The following CACNA2D1 variants were observed in gnomAD, a reference collection of about 807,000 sequenced individuals.
CACNA2D1 encodes the protein voltage-dependent calcium channel subunit alpha-2/delta-1.
CACNA2D1 carries 53 observed loss-of-function variants against 171.5 expected under a neutral mutation model. That is an observed-to-expected ratio of 0.31 (90% CI 0.25 to 0.39). The LOEUF (loss-of-function observed/expected upper bound fraction) is 0.39. Among genes scored for constraint, CACNA2D1 ranks in the 10% least tolerant of loss-of-function variants. CACNA2D1 has a pLI of 1.00. For synonymous variants in CACNA2D1, 442 were observed against 443.1 expected (o/e 1.00, Z 0.03); for missense variants, 903 against 1,299.8 (o/e 0.69, Z 4.69).
chr7:82,422,502 T>C (rs1281823708), intron 1 of CACNA2D1, among the ~76,000 whole-genome samples: 1 of 152,172 alleles, frequency 6.6e-6, no homozygotes, highest in Non-Finnish European at 1.5e-5. Context: ...ATCTGGGAGA[T>C]GCAGCATCTT....
Position 81,997,259 on chromosome 7 carries a change from A to T in CACNA2D1, c.1591-9T>A, listed in dbSNP as rs1014847040. ...TCCTGAGATTTGGGGTTCTACACAG[A>T]AAACAATAATAATTAGGTACATGTA... On this transcript the variant is annotated splice_polypyrimidine_tract_variant and intron_variant, in intron 18 of 38. Coordinates refer to ENST00000356860, the MANE Select transcript of CACNA2D1 (RefSeq NM_000722.4). 2 of 1,537,398 alleles carry T rather than the reference A, an allele frequency of 1.3e-6. No homozygotes were observed. The highest frequency in any genetic ancestry group is 1.8e-6 in the Non-Finnish European group (2 of 1,110,386).
rs1181065687 is a variant in CACNA2D1 at position 82,007,846 on chromosome 7, T to A, written c.1363-90A>T. 28 of 756,906 alleles carry A rather than the reference T, an allele frequency of 3.7e-5. No individual in the cohort carries two copies. In the Middle Eastern group the frequency reaches 1.2e-3, roughly 32 times the overall value. 46.9% of individuals were successfully genotyped at this position (756,906 alleles called of 1,614,324 possible). The stretch of plus-strand genomic sequence containing the variant: ...TAACCTTTGATATCTGAGATTGCAT[T>A]TTATAGTTACTTTATAAAGAGCCAC... On this transcript the variant is annotated intron_variant, in intron 15 of 38. Transcript: ENST00000356860.
chr7:82,169,897 A>C (rs38541), intron 4 of CACNA2D1, among the ~76,000 whole-genome samples: 40,965 of 151,420 alleles, frequency 0.27, 5,628 homozygotes, highest in Admixed American at 0.3. Context: ...AGGATAGATA[A>C]ATGATAGATA....
At chr7:82,042,609 G>C (rs1804095730) in intron 10 of CACNA2D1, among the ~76,000 whole-genome samples, 1 of 152,096 alleles carries the variant, frequency 6.6e-6, no homozygotes, top group Non-Finnish European at 1.5e-5. Flanking sequence ...GTTTAGATAG[G>C]AAGGCACGTG....
At chr7:82,140,954 T>TAA (rs1324664679) in intron 4 of CACNA2D1, among the ~76,000 whole-genome samples, 25 of 91,740 alleles carry the variant, frequency 2.7e-4, no homozygotes, top group African/African-American at 7.7e-4. Context: ...GACTCGTCTC[T>TAA]AAAAAAAAAA....
At chr7:82,429,771 T>A (rs77394154) in intron 1 of CACNA2D1, among the ~76,000 whole-genome samples, 1 of 152,138 alleles carries the variant, frequency 6.6e-6, no homozygotes, top group Non-Finnish European at 1.5e-5. Context: ...TTGACACCCA[T>A]GTATCAATCC....
At chr7:82,234,646 C>T (rs906119214) in intron 3 of CACNA2D1, among the ~76,000 whole-genome samples, 2 of 152,000 alleles carry the variant, frequency 1.3e-5, no homozygotes, top group Admixed American at 1.3e-4. Flanking sequence ...ACAAGGGGGC[C>T]GTAGCTATCT....
In CACNA2D1 at chr7:82,157,364, T is replaced by C. The variant is rs116175315; in HGVS notation, c.354+13186A>G. On this transcript the variant is annotated intron_variant, in intron 4 of 38. Transcript: ENST00000356860. ...AGTTTGATGAAAATGGCTTATAATGTGATTTTATTGATATGTGGATCAAAA... is the reference window on the plus strand; with the variant it reads ...AGTTTGATGAAAATGGCTTATAATGCGATTTTATTGATATGTGGATCAAAA... Among the ~76,000 whole-genome samples, 725 of 152,262 alleles carry C rather than the reference T, an allele frequency of 4.8e-3. 5 individuals carry two copies. The highest frequency in any genetic ancestry group is 0.016 in the African/African-American group (679 of 41,584).
At chr7:82,208,245 T>C (rs1800208612) in intron 3 of CACNA2D1, among the ~76,000 whole-genome samples, 1 of 152,190 alleles carries the variant, frequency 6.6e-6, no homozygotes, top group African/African-American at 2.4e-5. Context: ...TATGTATAAA[T>C]ATATGTATGT....
chr7:82,218,541 G>A (rs1424394085), intron 3 of CACNA2D1, among the ~76,000 whole-genome samples: 1 of 152,122 alleles, frequency 6.6e-6, no homozygotes, highest in African/African-American at 2.4e-5. Context: ...AAATAGGAGT[G>A]TAGAACTTGT....
intron 3 of CACNA2D1, among the ~76,000 whole-genome samples, chr7:82,212,311 G>GAATTTTAATTTTC: frequency 6.6e-6 from 1 of 152,270 alleles, no homozygotes; most frequent in African/African-American, 2.4e-5. Context: ...TTTAGGTTAA[G>GAATTTTAATTTTC]TGTATTCCAT....
chr7:82,046,172 TTTCTC>T (rs779748359), intron 10 of CACNA2D1, among the ~76,000 whole-genome samples: 5 of 151,888 alleles, frequency 3.3e-5, no homozygotes, highest in Non-Finnish European at 5.9e-5. Flanking sequence ...CTCACACTCT[TTTCTC>T]TATCTTTAAT....
At chr7:81,955,914 G>T (rs754425575) in intron 38 of CACNA2D1, among the ~76,000 whole-genome samples, 1 of 111,032 alleles carries the variant, frequency 9.0e-6, no homozygotes, top group African/African-American at 3.5e-5. Context: ...GTGGGGGGGG[G>T]GGGGGGTGGT....
chr7:82,212,862 G>A (rs575608360), intron 3 of CACNA2D1, among the ~76,000 whole-genome samples: 1 of 151,952 alleles, frequency 6.6e-6, no homozygotes, highest in Admixed American at 6.6e-5. Context: ...AGTATGTGGT[G>A]GATTTGGGAA....
intron 4 of CACNA2D1, among the ~76,000 whole-genome samples, chr7:82,146,824 T>A (rs1793181353): frequency 6.7e-6 from 1 of 150,062 alleles, no homozygotes; most frequent in African/African-American, 2.4e-5. Flanking sequence ...CTGCCTTTAC[T>A]AAAATACAAA....
rs531414450 is a variant in CACNA2D1 at position 82,138,008 on chromosome 7, G to A, written c.355-1332C>T. ...CTACTTCTTCAAGATATTAATGGAT[G>A]TCATGTGGGCAAAAGCATTCCATGA... On this transcript the variant is annotated intron_variant, in intron 4 of 38. Transcript: ENST00000356860. 1.6e-4 allele frequency among the ~76,000 whole-genome samples: 24 copies of A among 152,234 alleles called. No individual in the cohort carries two copies. The South Asian group carries it at 5.0e-3, about 32-fold the overall frequency.
intron 7 of CACNA2D1, among the ~76,000 whole-genome samples, chr7:82,068,829 T>A (rs927664121): frequency 1.3e-5 from 2 of 152,166 alleles, no homozygotes; most frequent in African/African-American, 4.8e-5. Context: ...GGATTTCTGT[T>A]GTCACTACCA....
rs371673754 is a variant in CACNA2D1 at position 82,051,482 on chromosome 7, TA to T, written c.879+8945del. Among the ~76,000 whole-genome samples, 100 of 152,070 alleles carry T rather than the reference TA, an allele frequency of 6.6e-4. 3 individuals are homozygous for T. Among genetic ancestry groups the T allele is most frequent in the African/African-American group, 2.2e-3 (93 of 41,388 alleles). On this transcript the variant is annotated intron_variant, in intron 10 of 38. Transcript: ENST00000356860. ...ATATTTTGATTATTTTTTTTTCTGG[TA>T]AAAAATCAAAGACAGTATTTTATAA...
At chr7:82,032,238 G>A (rs1424445882) in intron 12 of CACNA2D1, among the ~76,000 whole-genome samples, 1 of 151,814 alleles carries the variant, frequency 6.6e-6, no homozygotes, top group African/African-American at 2.4e-5. Flanking sequence ...GTCTTCATTT[G>A]CTTATGAAAT....
Sources: gnomAD v4.1 joint callset for allele counts (sites outside exome capture counted in the v4.1 genomes callset) on GRCh38, gnomAD v4.1.1 for gene constraint, MANE v1.5 for transcripts, NCBI Gene and HGNC (gene_info 2026-07-23, HGNC 2026-07-21) for gene names.